The following CDH12 variants were observed in gnomAD, a reference collection of about 807,000 sequenced individuals.
CDH12 encodes cadherin 12.
In CDH12, 41 loss-of-function variants were observed where a neutral mutation model predicts 74.1. That is an observed-to-expected ratio of 0.55 (90% CI 0.43 to 0.72). CDH12 has a LOEUF of 0.72. Among genes scored for constraint, CDH12 ranks in the 30% least tolerant of loss-of-function variants. CDH12 has a pLI of 0.00. For missense variants in CDH12, 945 were observed against 977.2 expected, an observed-to-expected ratio of 0.97 and a Z score of 0.44; for synonymous variants, 399 against 355.0, an observed-to-expected ratio of 1.12 and a Z score of -1.39.
At chr5:21,793,290 AAACT>A (rs1171754879) in intron 10 of CDH12, among the ~76,000 whole-genome samples, 1 of 151,746 alleles carries the variant, frequency 6.6e-6, no homozygotes, top group Non-Finnish European at 1.5e-5. Context: ...AATAGCAAAC[AAACT>A]ATTTTGTTTT....
At chr5:22,042,824 C>T (rs189113342) in intron 5 of CDH12, among the ~76,000 whole-genome samples, 30 of 145,524 alleles carry the variant, frequency 2.1e-4, no homozygotes, top group East Asian at 1.4e-3. Flanking sequence ...TGGGAAGTTG[C>T]GGCTCCAGTA....
At chr5:22,262,636 TG>T (rs1195166102) in intron 3 of CDH12, among the ~76,000 whole-genome samples, 1 of 151,118 alleles carries the variant, frequency 6.6e-6, no homozygotes, top group Non-Finnish European at 1.5e-5. Flanking sequence ...TACCCAGTAA[TG>T]GGATGGCTGG....
chr5:22,583,456 T>C (rs1279411261), intron 1 of CDH12, among the ~76,000 whole-genome samples: 2 of 152,334 alleles, frequency 1.3e-5, no homozygotes, highest in African/African-American at 2.4e-5. Flanking sequence ...TAGTTTTTTA[T>C]TGACCACATG....
intron 8 of CDH12, among the ~76,000 whole-genome samples, chr5:21,823,619 C>T (rs941390298): frequency 6.6e-6 from 1 of 152,004 alleles, no homozygotes; most frequent in Admixed American, 6.6e-5. Flanking sequence ...GCTTAAAAAG[C>T]ACACAGATTT....
At chr5:21,978,713 T>A (rs1757173766) in intron 5 of CDH12, among the ~76,000 whole-genome samples, 1 of 152,220 alleles carries the variant, frequency 6.6e-6, no homozygotes. Context: ...ATGGGCACTC[T>A]GTATTCCTTC....
chr5:22,060,839 C>T (rs920834693), intron 5 of CDH12, among the ~76,000 whole-genome samples: 8 of 152,082 alleles, frequency 5.3e-5, no homozygotes, highest in East Asian at 3.9e-4. Flanking sequence ...TGTCACGCTC[C>T]GAAACAAAGG....
At chr5:21,948,930 C>G (rs1419024129) in intron 6 of CDH12, among the ~76,000 whole-genome samples, 2 of 151,592 alleles carry the variant, frequency 1.3e-5, no homozygotes, top group Admixed American at 6.6e-5. Flanking sequence ...ATCCTTCTCT[C>G]TCCTGTTGTC....
intron 3 of CDH12, among the ~76,000 whole-genome samples, chr5:22,385,329 T>G (rs1374768466): frequency 6.6e-6 from 1 of 152,236 alleles, no homozygotes; most frequent in Non-Finnish European, 1.5e-5. Context: ...TTTCTTCATT[T>G]TTCCATCTTT....
intron 4 of CDH12, among the ~76,000 whole-genome samples, chr5:22,149,138 T>C (rs1747407902): frequency 6.6e-6 from 1 of 152,006 alleles, no homozygotes; most frequent in Non-Finnish European, 1.5e-5. Context: ...AAACAAAAGA[T>C]ACTAATCATT....
chr5:22,565,894 A>G (rs1258347811), intron 1 of CDH12, among the ~76,000 whole-genome samples: 4 of 152,170 alleles, frequency 2.6e-5, no homozygotes, highest in African/African-American at 9.7e-5. Flanking sequence ...AAATTCTATG[A>G]AGCCATAAGA....
intron 3 of CDH12, among the ~76,000 whole-genome samples, chr5:22,231,607 A>T (rs758340308): frequency 6.6e-6 from 1 of 152,008 alleles, no homozygotes; most frequent in Non-Finnish European, 1.5e-5. Context: ...GAAAACTATT[A>T]AACTATGAGG....
intron 3 of CDH12, among the ~76,000 whole-genome samples, chr5:22,401,850 G>A (rs1408155822): frequency 6.6e-6 from 1 of 152,114 alleles, no homozygotes. Context: ...ACACTGAGGG[G>A]AAGGCCATGT....
intron 1 of CDH12, among the ~76,000 whole-genome samples, chr5:22,570,652 T>C (rs1739495721): frequency 6.6e-6 from 1 of 152,198 alleles, no homozygotes. Flanking sequence ...AGAGTAGATT[T>C]AGCATAATTC....
At chr5:22,572,668 A>G (rs936034359) in intron 1 of CDH12, among the ~76,000 whole-genome samples, 2 of 152,160 alleles carry the variant, frequency 1.3e-5, no homozygotes, top group African/African-American at 4.8e-5. Context: ...ACAAAAAACA[A>G]CCCTATCTTT....
chr5:22,805,148 T>G (rs963767755), intron 1 of CDH12, among the ~76,000 whole-genome samples: 4 of 152,150 alleles, frequency 2.6e-5, no homozygotes, highest in Non-Finnish European at 4.4e-5. Context: ...AGAGAATCCT[T>G]GCATATATAT....
In CDH12 at chr5:22,823,272, C is replaced by T. The variant is rs184667168; in HGVS notation, c.-523+29786G>A. Among the ~76,000 whole-genome samples, 943 of 151,740 alleles carry T rather than the reference C, an allele frequency of 6.2e-3. 6 individuals carry two copies. The highest frequency in any genetic ancestry group is 0.018 in the African/African-American group (761 of 41,286). On this transcript the variant is annotated intron_variant, in intron 1 of 14. Transcript: ENST00000382254. ...GGGGGAGGGATAGCATTAGGAGTTA[C>T]ACCTAATGCTAAATGACGAGTTAAT...
At chr5:22,073,895 C>T (rs1265096556) in intron 5 of CDH12, among the ~76,000 whole-genome samples, 1 of 152,138 alleles carries the variant, frequency 6.6e-6, no homozygotes, top group South Asian at 2.1e-4. Context: ...GTGGAGTTGA[C>T]AATGGGAACT....
intron 2 of CDH12, among the ~76,000 whole-genome samples, chr5:22,463,315 C>T (rs1038430339): frequency 6.6e-6 from 1 of 152,092 alleles, no homozygotes; most frequent in African/African-American, 2.4e-5. Context: ...TTTCTTAATT[C>T]ATTTTCTAAA....
At chr5:21,950,427 GAAACAGAAAC>G (rs1357005741) in intron 6 of CDH12, among the ~76,000 whole-genome samples, 16 of 151,880 alleles carry the variant, frequency 1.1e-4, no homozygotes, top group Non-Finnish European at 2.9e-5. Context: ...AGAGGAATAA[GAAACAGAAAC>G]AAACAGAAAC....
Sources: gnomAD v4.1 joint callset for allele counts (sites outside exome capture counted in the v4.1 genomes callset) on GRCh38, gnomAD v4.1.1 for gene constraint, MANE v1.5 for transcripts, NCBI Gene and HGNC (gene_info 2026-07-23, HGNC 2026-07-21) for gene names.